The following SUPT3H variants were observed in gnomAD, a reference collection of about 807,000 sequenced individuals.
SUPT3H encodes the protein SPT3 homolog, SAGA and STAGA complex component.
Under a neutral mutation model 44.3 loss-of-function variants are expected in SUPT3H, and 44 were observed. The observed-to-expected ratio is 0.99, with a 90% CI of 0.78 to 1.28. The LOEUF is 1.28. SUPT3H is among the 50% of genes most tolerant of loss of function. The probability of loss-of-function intolerance (pLI) is 0.00; values close to 1 mark genes in which losing one functional copy is unlikely to be tolerated. For synonymous variants in SUPT3H, 124 were observed against 125.6 expected (o/e 0.99, Z 0.09); for missense variants, 380 against 387.1 (o/e 0.98, Z 0.15).
At chr6:45,270,366 G>A (rs1169401972) in intron 2 of SUPT3H, among the ~76,000 whole-genome samples, 1 of 152,126 alleles carries the variant, frequency 6.6e-6, no homozygotes, top group Admixed American at 6.5e-5. Context: ...TTAATTCCCA[G>A]GTGTTGTGGG....
At chr6:45,214,806 G>T (rs1764758077) in intron 2 of SUPT3H, among the ~76,000 whole-genome samples, 3 of 152,144 alleles carry the variant, frequency 2.0e-5, no homozygotes, top group Admixed American at 6.5e-5. Context: ...CTATCATCAT[G>T]GCAGTGCACT....
intron 2 of SUPT3H, among the ~76,000 whole-genome samples, chr6:45,230,359 G>C (rs1451028694): frequency 6.6e-6 from 1 of 151,934 alleles, no homozygotes; most frequent in Admixed American, 6.6e-5. Context: ...ATTAGAGTCT[G>C]TCTCTTTCTT....
At chr6:45,201,571 T>C (rs1762461334) in intron 2 of SUPT3H, among the ~76,000 whole-genome samples, 1 of 151,878 alleles carries the variant, frequency 6.6e-6, no homozygotes, top group South Asian at 2.1e-4. Flanking sequence ...AATAATTTCA[T>C]AACATGCATA....
At position 44,932,559 on chromosome 6, in the gene SUPT3H, T is replaced by A. The variant is rs866298524; in HGVS notation, c.912+94A>T. On this transcript the variant is annotated intron_variant, in intron 10 of 10. Coordinates refer to ENST00000371459, the MANE Select transcript of SUPT3H (RefSeq NM_003599.4). ...AAAATTACAGTCACCACAAATTGCTTTCAACAATTCCATTGCTTCTTCATT... is the reference window on the plus strand; with the variant it reads ...AAAATTACAGTCACCACAAATTGCTATCAACAATTCCATTGCTTCTTCATT... 29 of 860,154 alleles carry A rather than the reference T, an allele frequency of 3.4e-5. No individual in the cohort carries two copies. In the Middle Eastern group the frequency reaches 1.7e-3, roughly 50 times the overall value. The allele number at this position is 860,154 out of a possible 1,614,324, so 53.3% of individuals were successfully genotyped here.
chr6:44,906,668 A>C (rs1294156036), intron 10 of SUPT3H, among the ~76,000 whole-genome samples: 1 of 152,162 alleles, frequency 6.6e-6, no homozygotes, highest in East Asian at 1.9e-4. Flanking sequence ...AGGCTGAGGC[A>C]GGAGAATCGC....
At chr6:44,999,661 CT>C (rs200294423) in intron 6 of SUPT3H, among the ~76,000 whole-genome samples, 5 of 151,636 alleles carry the variant, frequency 3.3e-5, no homozygotes, top group East Asian at 1.9e-4. Flanking sequence ...TTATTAAAGT[CT>C]TTTTTTTCCC....
chr6:44,880,110 G>C (rs924691658), intron 10 of SUPT3H, among the ~76,000 whole-genome samples: 11 of 151,998 alleles, frequency 7.2e-5, no homozygotes, highest in African/African-American at 2.2e-4. Context: ...TTCAGAAGGT[G>C]GGTAATAACA....
intron 2 of SUPT3H, among the ~76,000 whole-genome samples, chr6:45,156,879 G>A (rs1807912989): frequency 1.3e-5 from 2 of 151,672 alleles, no homozygotes; most frequent in South Asian, 4.2e-4. Context: ...CCATGATTTA[G>A]TACCATAATT....
At chr6:44,826,547 A>T (rs1767770704), downstream of SUPT3H, among the ~76,000 whole-genome samples, 1 of 152,218 alleles carries the variant, frequency 6.6e-6, no homozygotes, top group Admixed American at 6.5e-5. Context: ...AGAATTTTAA[A>T]TGTAGCCTGG....
At chr6:45,083,859 C>CA (rs1242534838) in intron 3 of SUPT3H, among the ~76,000 whole-genome samples, 1 of 152,152 alleles carries the variant, frequency 6.6e-6, no homozygotes, top group Non-Finnish European at 1.5e-5. Flanking sequence ...ATTCCATATT[C>CA]AATAAATGGT....
At chr6:45,017,842 T>C (rs1295027304) in intron 4 of SUPT3H, among the ~76,000 whole-genome samples, 143 of 141,646 alleles carry the variant, frequency 1.0e-3, no homozygotes, top group African/African-American at 3.5e-3. Flanking sequence ...CTGTTTTGGT[T>C]CCATATGAAC....
chr6:44,944,385 AAAAG>A (rs1445637068), intron 9 of SUPT3H, among the ~76,000 whole-genome samples: 4 of 152,134 alleles, frequency 2.6e-5, no homozygotes, highest in Non-Finnish European at 5.9e-5. Flanking sequence ...AAATAAGCAG[AAAAG>A]AAATAGGAAA....
chr6:45,320,610 C>G (rs1785343908), intron 2 of SUPT3H, among the ~76,000 whole-genome samples: 1 of 151,962 alleles, frequency 6.6e-6, no homozygotes, highest in Admixed American at 6.6e-5. Context: ...TAAAGTTTTA[C>G]TGGAATTCAG....
chr6:45,113,438 C>G (rs1350382111), intron 2 of SUPT3H, among the ~76,000 whole-genome samples: 2 of 152,224 alleles, frequency 1.3e-5, no homozygotes, highest in Admixed American at 1.3e-4. Context: ...CAAATTTTAA[C>G]AGCTCTTTCA....
Position 45,034,148 on chromosome 6 carries a change from A to ACCT in SUPT3H, c.187-13519_187-13517dup, listed in dbSNP as rs1184608475. The stretch of plus-strand genomic sequence containing the variant: ...GATTGTGGTGCCTCCTCACCATCCT[A>ACCT]CCTCCTCCTCCTCCAACAGCAGCAT... On this transcript the variant is annotated intron_variant, in intron 3 of 10. Coordinates refer to ENST00000371459, the MANE Select transcript of SUPT3H (RefSeq NM_003599.4). Among the ~76,000 whole-genome samples the ACCT allele has an allele frequency of 2.6e-5, 4 of 151,844 alleles. No homozygotes were observed. In the East Asian group the frequency reaches 5.8e-4, roughly 22 times the overall value.
chr6:45,012,333 T>C (rs1783604617), intron 5 of SUPT3H, among the ~76,000 whole-genome samples: 1 of 151,944 alleles, frequency 6.6e-6, no homozygotes, highest in South Asian at 2.1e-4. Context: ...TCTCTGAAGC[T>C]GTTAATTTTT....
intron 2 of SUPT3H, among the ~76,000 whole-genome samples, chr6:45,225,562 A>G (rs1159807057): frequency 1.3e-5 from 2 of 152,114 alleles, no homozygotes; most frequent in African/African-American, 4.8e-5. Context: ...ATGGAGAGAG[A>G]TTAACTGGTT....
chr6:45,300,126 A>T (rs9472458), intron 2 of SUPT3H, among the ~76,000 whole-genome samples: 26,124 of 152,158 alleles, frequency 0.17, 3,362 homozygotes, highest in African/African-American at 0.36. Flanking sequence ...AGGGACAACC[A>T]AAAGCTTAAT....
chr6:45,020,478 T>G (rs1784970957), intron 4 of SUPT3H, 68 bp downstream of exon 4: 4 of 1,180,142 alleles, frequency 3.4e-6, no homozygotes, highest in Admixed American at 3.7e-5. Context: ...CAAGGATATA[T>G]AGTTTCCACA....
Sources: gnomAD v4.1 joint callset for allele counts (sites outside exome capture counted in the v4.1 genomes callset) on GRCh38, gnomAD v4.1.1 for gene constraint, MANE v1.5 for transcripts, NCBI Gene and HGNC (gene_info 2026-07-23, HGNC 2026-07-21) for gene names.